C1orf21: variants seen among roughly 807,000 people sequenced by gnomAD.
C1orf21 encodes the protein uncharacterized protein C1orf21.
A neutral mutation model predicts 18.7 loss-of-function variants in C1orf21; 3 were observed. The ratio of observed to expected loss-of-function variants is 0.16; its 90% confidence interval spans 0.07 to 0.42. C1orf21 has a LOEUF of 0.42. Among genes scored for constraint, C1orf21 ranks in the 10% least tolerant of loss-of-function variants. The pLI, the probability that C1orf21 is intolerant of heterozygous loss-of-function variation, is 0.99. For missense variants in C1orf21, 104 were observed against 143.6 expected (o/e 0.72, Z 1.41); for synonymous variants, 41 against 46.4 (o/e 0.88, Z 0.47).
chr1:184,561,552 C>T (rs946455558), intron 3 of C1orf21, among the ~76,000 whole-genome samples: 1 of 152,098 alleles, frequency 6.6e-6, no homozygotes, highest in Non-Finnish European at 1.5e-5. Context: ...TAAGTTGCTC[C>T]CTGAAAAGCA....
At chr1:184,561,824 G>A (rs975155457) in intron 3 of C1orf21, among the ~76,000 whole-genome samples, 5 of 151,986 alleles carry the variant, frequency 3.3e-5, no homozygotes, top group Admixed American at 6.6e-5. Flanking sequence ...CACCATATTG[G>A]CCAGGCTAGT....
intron 5 of C1orf21, among the ~76,000 whole-genome samples, chr1:184,611,096 T>C (rs926293438): frequency 3.3e-5 from 5 of 152,152 alleles, no homozygotes; most frequent in Admixed American, 2.6e-4. Flanking sequence ...CGAGACCTTT[T>C]TCCAGCTGAA....
chr1:184,612,835 TGA>T (rs1241082068), intron 5 of C1orf21, among the ~76,000 whole-genome samples: 1 of 152,192 alleles, frequency 6.6e-6, no homozygotes, highest in Non-Finnish European at 1.5e-5. Flanking sequence ...TAAGATATTT[TGA>T]GAGAGAGAGA....
At chr1:184,398,543 T>C (rs976076748) in intron 1 of C1orf21, among the ~76,000 whole-genome samples, 10 of 152,250 alleles carry the variant, frequency 6.6e-5, no homozygotes, top group African/African-American at 2.4e-4. Flanking sequence ...TAGATTGTCA[T>C]TTAACCACAC....
rs1447274215 is a variant in C1orf21, at chr1:184,623,564, C to T, written c.*4008C>T. Reference sequence around the variant, plus strand: ...TTAGGGGCATAATAAAAAGGTGGCTCGAAGCAGGAACTTTGGCCTCATGGT... The same window carrying T: ...TTAGGGGCATAATAAAAAGGTGGCTTGAAGCAGGAACTTTGGCCTCATGGT... On this transcript the variant is annotated 3_prime_UTR_variant, in exon 6 of 6. Coordinates refer to ENST00000235307, the MANE Select transcript of C1orf21 (RefSeq NM_030806.4). 1 of 152,220 alleles carries T rather than the reference C, an allele frequency of 6.6e-6. No individual in the cohort carries two copies. Among genetic ancestry groups the T allele is most frequent in the Non-Finnish European group, 1.5e-5 (1 of 68,036 alleles). 9.4% of individuals were successfully genotyped at this position (152,220 alleles called of 1,614,324 possible).
intron 2 of C1orf21, among the ~76,000 whole-genome samples, chr1:184,480,690 A>G (rs1017600062): frequency 6.6e-6 from 1 of 152,178 alleles, no homozygotes; most frequent in African/African-American, 2.4e-5. Flanking sequence ...ACTTTATTCC[A>G]TAGCTTAGCC....
In C1orf21 at chr1:184,620,723, G is replaced by A. The variant is rs1385873737; in HGVS notation, c.*1167G>A. On this transcript the variant is annotated 3_prime_UTR_variant, in exon 6 of 6. Transcript: ENST00000235307. ...GTATTTGGAGATGTGAAAGCCAAAA[G>A]CCCCTGGCAGTGGTGGGGAATGTTG... 1 of 152,566 alleles carries A rather than the reference G, an allele frequency of 6.6e-6. No individual in the cohort carries two copies. The allele number at this position is 152,566 out of a possible 1,614,324, so 9.5% of individuals were successfully genotyped here.
At chr1:184,449,414 G>A (rs890072775) in intron 1 of C1orf21, among the ~76,000 whole-genome samples, 1 of 152,152 alleles carries the variant, frequency 6.6e-6, no homozygotes, top group African/African-American at 2.4e-5. Flanking sequence ...ATTCCATGGT[G>A]TATATGTGCC....
intron 2 of C1orf21, among the ~76,000 whole-genome samples, chr1:184,478,228 T>G (rs1236568238): frequency 6.6e-6 from 1 of 151,852 alleles, no homozygotes; most frequent in East Asian, 1.9e-4. Flanking sequence ...AGTGAGGTGT[T>G]TTTTTTTAAA....
At position 184,433,095 on chromosome 1, in the gene C1orf21, C is replaced by A. The variant is rs41470944; in HGVS notation, c.-124-44291C>A. Among the ~76,000 whole-genome samples, 1,012 of 152,294 alleles carry A rather than the reference C, an allele frequency of 6.6e-3. 9 individuals are homozygous for A. Among genetic ancestry groups the A allele is most frequent in the African/African-American group, 0.024 (977 of 41,562 alleles). Reference sequence around the variant, plus strand: ...CTGTCCCCAGACATAGGTGGATAGACTTTTTCACCTGCTGTGGCCATCCCC... The same window carrying A: ...CTGTCCCCAGACATAGGTGGATAGAATTTTTCACCTGCTGTGGCCATCCCC... On this transcript the variant is annotated intron_variant, in intron 1 of 5. Transcript: ENST00000235307.
intron 1 of C1orf21, among the ~76,000 whole-genome samples, chr1:184,427,856 G>A (rs764119188): frequency 1.3e-5 from 2 of 151,994 alleles, no homozygotes; most frequent in Non-Finnish European, 2.9e-5. Flanking sequence ...CTCATTTTGG[G>A]CACAGCCATC....
chr1:184,538,021 G>A (rs937964376), intron 3 of C1orf21, among the ~76,000 whole-genome samples: 1 of 152,114 alleles, frequency 6.6e-6, no homozygotes, highest in Non-Finnish European at 1.5e-5. Context: ...GATTTTTAAT[G>A]TTTTGAGGAG....
Position 184,489,937 on chromosome 1 carries a change from T to C in C1orf21, c.94+12334T>C, listed in dbSNP as rs1321879250. On this transcript the variant is annotated intron_variant, in intron 2 of 5. Coordinates refer to ENST00000235307, the MANE Select transcript of C1orf21 (RefSeq NM_030806.4). ...GTCTTGAATCTTTTATGTTTAACAT[T>C]TATCATTCACTACAACTGTTTATTT... 3.9e-5 allele frequency among the ~76,000 whole-genome samples: 6 copies of C among 152,380 alleles called. No individual in the cohort carries two copies. In the East Asian group the frequency reaches 9.6e-4, roughly 24 times the overall value.
At chr1:184,474,231 T>C (rs1162475602) in intron 1 of C1orf21, among the ~76,000 whole-genome samples, 1 of 152,208 alleles carries the variant, frequency 6.6e-6, no homozygotes, top group African/African-American at 2.4e-5. Flanking sequence ...AGAAACAAAA[T>C]CTATACCTAT....
intron 1 of C1orf21, among the ~76,000 whole-genome samples, chr1:184,409,847 C>T (rs1389061603): frequency 6.6e-6 from 1 of 152,190 alleles, no homozygotes; most frequent in Non-Finnish European, 1.5e-5. Context: ...TCTAGCAGCA[C>T]TGCAGAGTAG....
chr1:184,561,611 G>A (rs752192773), intron 3 of C1orf21, among the ~76,000 whole-genome samples: 2 of 151,974 alleles, frequency 1.3e-5, no homozygotes, highest in Non-Finnish European at 2.9e-5. Flanking sequence ...TGTTTCTAGG[G>A]TTGTTTGTTT....
chr1:184,414,603 GA>G (rs912869783), intron 1 of C1orf21, among the ~76,000 whole-genome samples: 226 of 141,356 alleles, frequency 1.6e-3, no homozygotes, highest in Middle Eastern at 0.011. Context: ...CTTCTGGTAG[GA>G]AAAAAAAAAA....
intron 5 of C1orf21, among the ~76,000 whole-genome samples, chr1:184,598,988 T>A (rs1174648454): frequency 3.3e-5 from 5 of 152,224 alleles, no homozygotes; most frequent in African/African-American, 4.8e-5. Flanking sequence ...AGGCTAATAG[T>A]GGACAAGTTG....
chr1:184,471,030 T>C (rs563800780), intron 1 of C1orf21, among the ~76,000 whole-genome samples: 1 of 152,240 alleles, frequency 6.6e-6, no homozygotes, highest in African/African-American at 2.4e-5. Flanking sequence ...GGCTGGTGTT[T>C]TCCTCTCTTG....
Sources: allele counts gnomAD v4.1 joint callset (sites outside exome capture counted in the v4.1 genomes callset), GRCh38; gene constraint gnomAD v4.1.1; transcripts MANE v1.5; gene names NCBI Gene and HGNC (gene_info 2026-07-23, HGNC 2026-07-21).